Variants in RASAL2 observed in about 807,000 individuals in gnomAD.
RASAL2 encodes ras GTPase-activating protein nGAP.
In RASAL2, 58 loss-of-function variants were observed where a neutral mutation model predicts 128.9. The observed-to-expected ratio is 0.45, with a 90% CI of 0.36 to 0.56. The LOEUF is 0.56. Ranked by LOEUF, RASAL2 falls within the 20% of genes least tolerant of loss-of-function variation. RASAL2 has a pLI of 0.00. For synonymous variants in RASAL2, 561 were observed against 580.8 expected, an observed-to-expected ratio of 0.97 and a Z score of 0.49; for missense variants, 1,360 against 1,601.6, an observed-to-expected ratio of 0.85 and a Z score of 2.57.
At chr1:178,281,334 G>GT (rs1462438508) in intron 1 of RASAL2, among the ~76,000 whole-genome samples, 1 of 151,864 alleles carries the variant, frequency 6.6e-6, no homozygotes, top group Non-Finnish European at 1.5e-5. Context: ...GTTCCAGAAT[G>GT]TTTTTTTGAG....
At chr1:178,468,514 G>A (rs1281887696) in intron 17 of RASAL2, among the ~76,000 whole-genome samples, 1 of 152,146 alleles carries the variant, frequency 6.6e-6, no homozygotes, top group African/African-American at 2.4e-5. Flanking sequence ...TTGAGAGTGA[G>A]GCTGAAAGCA....
chr1:178,388,627 A>G (rs1264893514), intron 3 of RASAL2, among the ~76,000 whole-genome samples: 1 of 152,180 alleles, frequency 6.6e-6, no homozygotes, highest in Non-Finnish European at 1.5e-5. Context: ...GTCACAGAGA[A>G]GATATGTTTA....
chr1:178,238,874 C>T (rs994614042), intron 1 of RASAL2, among the ~76,000 whole-genome samples: 1 of 151,990 alleles, frequency 6.6e-6, no homozygotes, highest in Non-Finnish European at 1.5e-5. Context: ...TATTTGGTTT[C>T]TCACACTCAA....
intron 5 of RASAL2, among the ~76,000 whole-genome samples, chr1:178,438,881 CTGTGTGTGTGTGTGTGTGTGTGTG>C (rs3042589): frequency 3.9e-5 from 5 of 129,392 alleles, no homozygotes; most frequent in Admixed American, 8.2e-5. Context: ...AGCTTCGACT[CTGTGTGTGTGTGTGTGTGTGTGTG>C]TGTGTGTGTG....
intron 1 of RASAL2, among the ~76,000 whole-genome samples, chr1:178,248,796 GA>G (rs1391474742): frequency 6.6e-6 from 1 of 152,136 alleles, no homozygotes; most frequent in Admixed American, 6.5e-5. Context: ...CTTCATTTAT[GA>G]AGCTTAGTTT....
At chr1:178,249,540 T>C (rs1419249019) in intron 1 of RASAL2, among the ~76,000 whole-genome samples, 1 of 152,084 alleles carries the variant, frequency 6.6e-6, no homozygotes, top group Admixed American at 6.5e-5. Context: ...AGCCTACTCC[T>C]GTCAGCTCGT....
chr1:178,177,985 G>A lies in RASAL2; in HGVS notation c.202+83291G>A, dbSNP rs182152808. 1.6e-3 allele frequency among the ~76,000 whole-genome samples: 249 copies of A among 152,216 alleles called. 1 individual carries two copies. Among genetic ancestry groups the A allele is most frequent in the African/African-American group, 3.1e-3 (130 of 41,538 alleles). ...GAGAAACTTGAATCTCCATATTGTA[G>A]GGGTTATTTCTCTTTTGTGATTATA... is the stretch of plus-strand genomic sequence containing the variant. On this transcript the variant is annotated intron_variant, in intron 1 of 17. Coordinates refer to ENST00000367649, the MANE Select transcript of RASAL2 (RefSeq NM_170692.4).
intron 1 of RASAL2, among the ~76,000 whole-genome samples, chr1:178,114,310 C>A (rs1659446330): frequency 6.6e-6 from 1 of 151,960 alleles, no homozygotes; most frequent in South Asian, 2.1e-4. Flanking sequence ...TGATGTTAGC[C>A]TTAGGTTTTT....
chr1:178,197,171 G>A (rs1454772667), intron 1 of RASAL2, among the ~76,000 whole-genome samples: 1 of 152,152 alleles, frequency 6.6e-6, no homozygotes, highest in Non-Finnish European at 1.5e-5. Context: ...AAATTAGCCA[G>A]GTGTGGCCGG....
chr1:178,346,716 C>T (rs1264066702), intron 3 of RASAL2, among the ~76,000 whole-genome samples: 1 of 152,140 alleles, frequency 6.6e-6, no homozygotes, highest in Non-Finnish European at 1.5e-5. Context: ...CAATTAAACA[C>T]CTTACCATTC....
At chr1:178,430,676 CATT>C (rs1389020262) in intron 5 of RASAL2, among the ~76,000 whole-genome samples, 9 of 151,826 alleles carry the variant, frequency 5.9e-5, no homozygotes, top group African/African-American at 2.2e-4. Flanking sequence ...GAAGAGAAAT[CATT>C]ATCCACATTA....
At chr1:178,126,134 T>C (rs1659893599) in intron 1 of RASAL2, among the ~76,000 whole-genome samples, 1 of 152,180 alleles carries the variant, frequency 6.6e-6, no homozygotes, top group Non-Finnish European at 1.5e-5. Flanking sequence ...GATAAGTATC[T>C]TGGACAAGGT....
chr1:178,251,179 G>C (rs1665037321), intron 1 of RASAL2, among the ~76,000 whole-genome samples: 1 of 152,168 alleles, frequency 6.6e-6, no homozygotes, highest in African/African-American at 2.4e-5. Context: ...GCCATCTAAA[G>C]CTAGGAGAAT....
intron 3 of RASAL2, among the ~76,000 whole-genome samples, chr1:178,332,837 C>T (rs1340760544): frequency 6.6e-6 from 1 of 151,526 alleles, no homozygotes; most frequent in Non-Finnish European, 1.5e-5. Flanking sequence ...CTCCTGACCT[C>T]GTGATCTGCC....
intron 1 of RASAL2, among the ~76,000 whole-genome samples, chr1:178,151,487 G>A (rs1485661114): frequency 1.3e-5 from 2 of 152,216 alleles, no homozygotes; most frequent in Non-Finnish European, 1.5e-5. Flanking sequence ...TGATGAAAAT[G>A]TTGTGACCAG....
At chr1:178,340,042 C>G (rs1368905895) in intron 3 of RASAL2, among the ~76,000 whole-genome samples, 2 of 152,042 alleles carry the variant, frequency 1.3e-5, no homozygotes, top group African/African-American at 4.8e-5. Context: ...TGTACACAAA[C>G]CTGGCACCCT....
chr1:178,464,474 A>C (rs1572126095), intron 15 of RASAL2, 62 bp downstream of exon 15: 4 of 1,586,124 alleles, frequency 2.5e-6, no homozygotes, highest in Non-Finnish European at 3.4e-6. Flanking sequence ...TAAAAAGGTT[A>C]TCTAGCTAAG....
At chr1:178,120,063 G>T (rs1163635904) in intron 1 of RASAL2, among the ~76,000 whole-genome samples, 1 of 152,178 alleles carries the variant, frequency 6.6e-6, no homozygotes, top group Admixed American at 6.5e-5. Flanking sequence ...AATTGCTTCT[G>T]TACTTGATAT....
At chr1:178,172,174 C>T (rs1404199997) in intron 1 of RASAL2, among the ~76,000 whole-genome samples, 2 of 151,996 alleles carry the variant, frequency 1.3e-5, no homozygotes, top group African/African-American at 2.4e-5. Flanking sequence ...GCAAGTCCTT[C>T]ATACCATTTT....
Sources: allele counts gnomAD v4.1 joint callset (sites outside exome capture counted in the v4.1 genomes callset), GRCh38; gene constraint gnomAD v4.1.1; transcripts MANE v1.5; gene names NCBI Gene and HGNC (gene_info 2026-07-23, HGNC 2026-07-21).